PRDM6: variants seen among roughly 807,000 people sequenced by gnomAD.
PRDM6 encodes putative histone-lysine N-methyltransferase PRDM6.
A neutral mutation model predicts 60.8 loss-of-function variants in PRDM6; 25 were observed. That is an observed-to-expected ratio of 0.41 (90% CI 0.30 to 0.57). The LOEUF is 0.57. Among genes scored for constraint, PRDM6 ranks in the 20% least tolerant of loss-of-function variants. The probability of loss-of-function intolerance (pLI) is 0.27; values close to 1 mark genes in which losing one functional copy is unlikely to be tolerated. For missense variants in PRDM6, 839 were observed against 821.3 expected (o/e 1.02, Z -0.26); for synonymous variants, 407 against 357.4 (o/e 1.14, Z -1.57).
chr5:123,132,404 TTG>T (rs10692721), intron 3 of PRDM6, among the ~76,000 whole-genome samples: 3 of 151,096 alleles, frequency 2.0e-5, no homozygotes, highest in Non-Finnish European at 4.4e-5. Flanking sequence ...ATGTGGGTGG[TTG>T]TGTGTGTGTG....
At chr5:123,101,580 G>C (rs540818607) in intron 3 of PRDM6, among the ~76,000 whole-genome samples, 9 of 152,060 alleles carry the variant, frequency 5.9e-5, no homozygotes, top group African/African-American at 2.2e-4. Context: ...TAAGAAAATC[G>C]TACAGCAATT....
Position 123,151,430 on chromosome 5 carries a change from C to G in PRDM6, c.901-4454C>G, listed in dbSNP as rs545383812. Among the ~76,000 whole-genome samples, 160 of 152,256 alleles carry G rather than the reference C, an allele frequency of 1.1e-3. 1 individual carries two copies. The highest frequency in any genetic ancestry group is 3.3e-3 in the African/African-American group (139 of 41,554). On this transcript the variant is annotated intron_variant, in intron 3 of 7. Coordinates refer to ENST00000407847, the MANE Select transcript of PRDM6 (RefSeq NM_001136239.4). Reference sequence around the variant, plus strand: ...TCATTAGCTCTCTTCAGGATATTTACAGGACTGAATGAGGTGAGGAAGGCC... The same window carrying G: ...TCATTAGCTCTCTTCAGGATATTTAGAGGACTGAATGAGGTGAGGAAGGCC...
chr5:123,145,433 T>C lies in PRDM6; in HGVS notation c.901-10451T>C, dbSNP rs7701502. ...CTAAATTTTTGTTGAAAGAATGCTG[T>C]CTGGGAAGTCAGAGGTCTAAATTCA... On this transcript the variant is annotated intron_variant, in intron 3 of 7. Transcript: ENST00000407847. Among the ~76,000 whole-genome samples, 830 of 152,308 alleles carry C rather than the reference T, an allele frequency of 5.4e-3. 8 individuals are homozygous for C. The highest frequency in any genetic ancestry group is 0.019 in the African/African-American group (782 of 41,566).
chr5:123,094,345 C>T (rs541122840), intron 2 of PRDM6, among the ~76,000 whole-genome samples: 143 of 152,046 alleles, frequency 9.4e-4, no homozygotes, highest in Non-Finnish European at 1.8e-3. Flanking sequence ...CCCTGCGCCT[C>T]CTCTGTCAAA....
At chr5:123,135,387 C>T (rs1764931639) in intron 3 of PRDM6, among the ~76,000 whole-genome samples, 1 of 151,916 alleles carries the variant, frequency 6.6e-6, no homozygotes, top group African/African-American at 2.4e-5. Flanking sequence ...GGTTGTTGCC[C>T]AAAACAAAAA....
In PRDM6 at chr5:123,090,499, G is replaced by A. The variant is rs1401131852; in HGVS notation, c.485G>A (p.Gly162Asp). The part of the protein sequence containing the change: ...GGGGGGGEGR[G>D]APRFRCSAEE... The stretch of plus-strand genomic sequence containing the variant: ...GGCGGCGGCGGCGGGGAGGGTCGCG[G>A]CGCCCCGCGCTTCCGCTGCAGCGCA... The change falls in exon 2 of 8, where the codon GGC (glycine) becomes GAC (aspartate). Residue 162 changes from glycine to aspartate, a missense_variant. This residue lies in a region of PRDM6 where 730 missense variants were observed against 648.8 expected (regional missense o/e 1.13). Transcript: ENST00000407847. 1 of 1,489,642 alleles carries A rather than the reference G, an allele frequency of 6.7e-7. No homozygotes were observed. Among genetic ancestry groups the A allele is most frequent in the Admixed American group, 2.2e-5 (1 of 44,970 alleles). 92.3% of individuals were successfully genotyped at this position (1,489,642 alleles called of 1,614,324 possible).
chr5:123,121,837 GT>G (rs1389845244), intron 3 of PRDM6, among the ~76,000 whole-genome samples: 1 of 150,002 alleles, frequency 6.7e-6, no homozygotes, highest in African/African-American at 2.4e-5. Context: ...TAACAGTTTA[GT>G]TGGGGAGTTT....
intron 3 of PRDM6, among the ~76,000 whole-genome samples, chr5:123,155,464 C>A (rs1765471368): frequency 2.0e-5 from 3 of 151,862 alleles, no homozygotes; most frequent in Non-Finnish European, 2.9e-5. Flanking sequence ...CAGTTACTGC[C>A]TCCCGAATGC....
At chr5:123,097,529 A>G (rs1272352603) in intron 2 of PRDM6, among the ~76,000 whole-genome samples, 1 of 152,152 alleles carries the variant, frequency 6.6e-6, no homozygotes, top group African/African-American at 2.4e-5. Flanking sequence ...TACTTAGATA[A>G]TATGCTGGTT....
chr5:123,093,917 T>C (rs556915092), intron 2 of PRDM6, among the ~76,000 whole-genome samples: 7 of 151,858 alleles, frequency 4.6e-5, no homozygotes, highest in African/African-American at 1.4e-4. Context: ...ACTGAGCCAC[T>C]TTGGGTGTCT....
At position 123,189,062 on chromosome 5, in the gene PRDM6, A is replaced by T. The variant is rs1766352286; in HGVS notation, c.*1861A>T. On this transcript the variant is annotated 3_prime_UTR_variant, in exon 8 of 8. Coordinates refer to ENST00000407847, the MANE Select transcript of PRDM6 (RefSeq NM_001136239.4). ...CTTACTATCTCCTGGTCATGAAAGT[A>T]GTAAGGAATCTATGCTGCTGTATAA... is the stretch of plus-strand genomic sequence containing the variant. 1 of 152,202 alleles carries T rather than the reference A, an allele frequency of 6.6e-6. No homozygotes were observed. The highest frequency in any genetic ancestry group is 1.5e-5 in the Non-Finnish European group (1 of 68,036). The allele number at this position is 152,202 out of a possible 1,614,324, so 9.4% of individuals were successfully genotyped here.
intron 3 of PRDM6, among the ~76,000 whole-genome samples, chr5:123,121,383 G>A (rs1320272681): frequency 6.6e-6 from 1 of 150,974 alleles, no homozygotes; most frequent in Non-Finnish European, 1.5e-5. Flanking sequence ...TTTTCTTTTT[G>A]TTTTGTTTTG....
chr5:123,128,866 G>C (rs912854917), intron 3 of PRDM6, among the ~76,000 whole-genome samples: 3 of 152,130 alleles, frequency 2.0e-5, no homozygotes, highest in African/African-American at 7.2e-5. Flanking sequence ...AATGGTATTG[G>C]CTAGGTTTTC....
intron 3 of PRDM6, among the ~76,000 whole-genome samples, chr5:123,130,277 T>C (rs1242723133): frequency 6.6e-5 from 3 of 45,632 alleles, no homozygotes; most frequent in Non-Finnish European, 1.2e-4. Flanking sequence ...TTTCCTTTCC[T>C]CTCCCCTTCC....
intron 3 of PRDM6, among the ~76,000 whole-genome samples, chr5:123,138,934 T>G (rs1765034269): frequency 6.6e-6 from 1 of 152,172 alleles, no homozygotes; most frequent in Non-Finnish European, 1.5e-5. Context: ...AATCCTCACG[T>G]GTCGAGGGAG....
At chr5:123,167,283 T>C (rs1336848200) in intron 5 of PRDM6, among the ~76,000 whole-genome samples, 1 of 152,150 alleles carries the variant, frequency 6.6e-6, no homozygotes, top group Non-Finnish European at 1.5e-5. Context: ...TTTCTACCCA[T>C]TAATCAATCT....
At chr5:123,156,493 G>A (rs184344877) in intron 4 of PRDM6, among the ~76,000 whole-genome samples, 34 of 152,276 alleles carry the variant, frequency 2.2e-4, no homozygotes, top group African/African-American at 7.7e-4. Context: ...TTCCAAAACC[G>A]TTAGACTTAG....
At chr5:123,145,690 C>T (rs1368357353) in intron 3 of PRDM6, among the ~76,000 whole-genome samples, 1 of 152,004 alleles carries the variant, frequency 6.6e-6, no homozygotes, top group African/African-American at 2.4e-5. Flanking sequence ...AGCACTGTCC[C>T]AACGTGACAT....
chr5:123,105,244 A>ATT (rs973559022), intron 3 of PRDM6, among the ~76,000 whole-genome samples: 1 of 151,762 alleles, frequency 6.6e-6, no homozygotes, highest in Non-Finnish European at 1.5e-5. Context: ...ACACCATGTA[A>ATT]TTTTTTTTTC....
Sources: gnomAD v4.1 joint callset for allele counts (sites outside exome capture counted in the v4.1 genomes callset) on GRCh38, gnomAD v4.1.1 for gene constraint, gnomAD v4.1.1 regional missense constraint, MANE v1.5 for transcripts, NCBI Gene and HGNC (gene_info 2026-07-23, HGNC 2026-07-21) for gene names.